FER: variants seen among roughly 807,000 people sequenced by gnomAD.
FER encodes the protein FER tyrosine kinase.
In FER, 63 loss-of-function variants were observed where a neutral mutation model predicts 111.0. The observed-to-expected ratio is 0.57, with a 90% CI of 0.46 to 0.70. The LOEUF (loss-of-function observed/expected upper bound fraction) is 0.70. Ranked by LOEUF, FER falls within the 30% of genes least tolerant of loss-of-function variation. FER has a pLI of 0.00. For missense variants in FER, 914 were observed against 954.0 expected, an observed-to-expected ratio of 0.96 and a Z score of 0.55; for synonymous variants, 327 against 313.9, an observed-to-expected ratio of 1.04 and a Z score of -0.44.
rs181144313 is a variant in FER at position 108,920,027 on chromosome 5, A to G, written c.1236+22179A>G. Among the ~76,000 whole-genome samples the G allele has an allele frequency of 2.1e-3, 314 of 151,568 alleles. 3 individuals carry two copies. The highest frequency in any genetic ancestry group is 0.02 in the Middle Eastern group (6 of 294). ...CAATAAATGGTAGCTATAAAGAAGT[A>G]GAGTTTTTAGTATTTTCATTTCAGA... On this transcript the variant is annotated intron_variant, in intron 10 of 19. Coordinates refer to ENST00000281092, the MANE Select transcript of FER (RefSeq NM_005246.4).
At chr5:109,027,565 C>T (rs990657181) in intron 13 of FER, among the ~76,000 whole-genome samples, 43 of 152,016 alleles carry the variant, frequency 2.8e-4, no homozygotes, top group Non-Finnish European at 2.9e-4. Context: ...TACTTGAGAT[C>T]GAATTTCAAA....
chr5:108,794,364 C>G (rs541485951), intron 2 of FER, among the ~76,000 whole-genome samples: 119 of 151,966 alleles, frequency 7.8e-4, no homozygotes, highest in African/African-American at 2.8e-3. Flanking sequence ...ATTACATGTG[C>G]CCGCCTCCAC....
At chr5:109,151,305 T>A (rs1754822110) in intron 17 of FER, among the ~76,000 whole-genome samples, 1 of 152,120 alleles carries the variant, frequency 6.6e-6, no homozygotes, top group Admixed American at 6.5e-5. Flanking sequence ...TAAATTCAAA[T>A]GAAAAATTAG....
intron 17 of FER, among the ~76,000 whole-genome samples, chr5:109,156,450 A>G (rs1344673022): frequency 6.6e-6 from 1 of 152,082 alleles, no homozygotes; most frequent in African/African-American, 2.4e-5. Context: ...GTAGGATAGC[A>G]AACTAGAGCT....
Position 108,856,521 on chromosome 5 carries a change from C to G in FER, c.482-11246C>G, listed in dbSNP as rs75837085. On this transcript the variant is annotated intron_variant, in intron 5 of 19. Transcript: ENST00000281092. ...GGAGGTTAGTATGTGTTTGTTTATG[C>G]TAAATTAATGATGATCTCTACATTT... Among the ~76,000 whole-genome samples the G allele has an allele frequency of 2.5e-3, 378 of 152,228 alleles. 1 individual carries two copies. The highest frequency in any genetic ancestry group is 8.6e-3 in the African/African-American group (358 of 41,538).
In FER at chr5:109,175,628, C is replaced by T. The variant is rs565351951; in HGVS notation, c.2049-5119C>T. Among the ~76,000 whole-genome samples, 541 of 152,252 alleles carry T rather than the reference C, an allele frequency of 3.6e-3. 3 individuals carry two copies. The highest frequency in any genetic ancestry group is 5.8e-3 in the Non-Finnish European group (397 of 68,012). ...TATATTAAATTTAAAAGCTTCTGCA[C>T]AGCAAAGGAAACAATCAGCATAGTG... is the stretch of plus-strand genomic sequence containing the variant. On this transcript the variant is annotated intron_variant, in intron 17 of 19. Transcript: ENST00000281092.
At chr5:109,017,859 A>G (rs1767388641) in intron 13 of FER, among the ~76,000 whole-genome samples, 1 of 151,906 alleles carries the variant, frequency 6.6e-6, no homozygotes, top group Non-Finnish European at 1.5e-5. Flanking sequence ...GAACTAATGC[A>G]TTGTAGAGAG....
chr5:109,069,085 C>G (rs1775464917), intron 16 of FER, among the ~76,000 whole-genome samples: 2 of 152,008 alleles, frequency 1.3e-5, no homozygotes. Context: ...AGAAAGAATG[C>G]TATTAATGTG....
At chr5:109,020,870 G>GT (rs1462865103) in intron 13 of FER, among the ~76,000 whole-genome samples, 3 of 151,964 alleles carry the variant, frequency 2.0e-5, no homozygotes, top group South Asian at 4.1e-4. Context: ...TATCTCAATC[G>GT]TTTTGAAATT....
chr5:109,178,617 A>G lies in FER; in HGVS notation c.2049-2130A>G, dbSNP rs1219018592. Among the ~76,000 whole-genome samples the G allele has an allele frequency of 2.0e-5, 3 of 152,212 alleles. No individual in the cohort carries two copies. The East Asian group carries it at 5.8e-4, about 29-fold the overall frequency. On this transcript the variant is annotated intron_variant, in intron 17 of 19. Transcript: ENST00000281092. ...CCTCTGCCAAAAAAATTAGTTGACTATACATATGTGGGTCTGTTTCTAGAT... is the reference window on the plus strand; with the variant it reads ...CCTCTGCCAAAAAAATTAGTTGACTGTACATATGTGGGTCTGTTTCTAGAT...
chr5:109,107,722 G>T (rs17450345), intron 17 of FER, among the ~76,000 whole-genome samples: 1 of 151,994 alleles, frequency 6.6e-6, no homozygotes, highest in Admixed American at 6.6e-5. Context: ...ACCAAGGCAG[G>T]ATCTCTTTTT....
At chr5:108,908,623 A>G (rs1751116358) in intron 10 of FER, among the ~76,000 whole-genome samples, 1 of 151,480 alleles carries the variant, frequency 6.6e-6, no homozygotes, top group Non-Finnish European at 1.5e-5. Flanking sequence ...GTATTTGCTG[A>G]GGCAGGAGAA....
At chr5:108,817,557 T>A (rs1580703484) in intron 3 of FER, among the ~76,000 whole-genome samples, 1 of 152,220 alleles carries the variant, frequency 6.6e-6, no homozygotes, top group East Asian at 1.9e-4. Flanking sequence ...CAACTATTAT[T>A]TAGGTATTTT....
chr5:108,903,483 G>A (rs765886800), intron 10 of FER, among the ~76,000 whole-genome samples: 21 of 152,096 alleles, frequency 1.4e-4, no homozygotes, highest in Non-Finnish European at 2.6e-4. Flanking sequence ...TGACCAACAT[G>A]GCAAAACCCT....
chr5:108,789,791 T>A (rs2150020724), intron 2 of FER, among the ~76,000 whole-genome samples: 1 of 151,982 alleles, frequency 6.6e-6, no homozygotes, highest in South Asian at 2.1e-4. Context: ...TTAGTAGAGA[T>A]GGGGTTTTGC....
At chr5:108,769,673 T>C (rs1189380593) in intron 2 of FER, among the ~76,000 whole-genome samples, 1 of 152,104 alleles carries the variant, frequency 6.6e-6, no homozygotes, top group African/African-American at 2.4e-5. Context: ...AGGACTTGTA[T>C]GTTGTTTGGG....
intron 16 of FER, among the ~76,000 whole-genome samples, chr5:109,082,968 C>T (rs1777163814): frequency 6.6e-6 from 1 of 151,472 alleles, no homozygotes; most frequent in Non-Finnish European, 1.5e-5. Flanking sequence ...GTTCTGAACC[C>T]CCCAAAAAAA....
intron 10 of FER, among the ~76,000 whole-genome samples, chr5:108,930,588 C>G (rs1227003320): frequency 3.9e-5 from 1 of 25,514 alleles, no homozygotes; most frequent in Non-Finnish European, 7.4e-5. Flanking sequence ...CCCTCCTCTG[C>G]CCTCCCCTCC....
intron 13 of FER, among the ~76,000 whole-genome samples, chr5:108,963,061 G>C (rs1759341894): frequency 6.6e-6 from 1 of 152,056 alleles, no homozygotes; most frequent in Non-Finnish European, 1.5e-5. Context: ...AAAAATTACT[G>C]AACAGCAATA....
Sources: allele counts gnomAD v4.1 joint callset (sites outside exome capture counted in the v4.1 genomes callset), GRCh38; gene constraint gnomAD v4.1.1; transcripts MANE v1.5; gene names NCBI Gene and HGNC (gene_info 2026-07-23, HGNC 2026-07-21).